UNC5C: variants seen among roughly 807,000 people sequenced by gnomAD.
The protein encoded by UNC5C is unc-5 netrin receptor C, also known as netrin receptor UNC5C.
A neutral mutation model predicts 99.8 loss-of-function variants in UNC5C; 47 were observed. The ratio of observed to expected loss-of-function variants is 0.47; its 90% CI spans 0.37 to 0.60. The LOEUF is 0.60. Among genes scored for constraint, UNC5C ranks in the 20% least tolerant of loss-of-function variants. The probability of loss-of-function intolerance (pLI) is 0.00; values close to 1 mark genes in which losing one functional copy is unlikely to be tolerated. For missense variants in UNC5C, 1,062 were observed against 1,165.9 expected, an observed-to-expected ratio of 0.91 and a Z score of 1.30; for synonymous variants, 487 against 452.2, an observed-to-expected ratio of 1.08 and a Z score of -0.98.
At position 95,389,071 on chromosome 4, in the gene UNC5C, A is replaced by G. The variant is rs912808575; in HGVS notation, c.125-53440T>C. Among the ~76,000 whole-genome samples, 5 of 152,174 alleles carry G rather than the reference A, an allele frequency of 3.3e-5. 1 individual carries two copies. Among genetic ancestry groups the G allele is most frequent in the Admixed American group, 2.6e-4 (4 of 15,270 alleles). ...TATTCCATGGATTTCCCAGTTGGCA[A>G]TTTGATAGGCCTGCTGTTATTCAAA... On this transcript the variant is annotated intron_variant, in intron 1 of 15. Coordinates refer to ENST00000453304, the MANE Select transcript of UNC5C (RefSeq NM_003728.4).
intron 4 of UNC5C, among the ~76,000 whole-genome samples, chr4:95,271,519 G>A (rs74467242): frequency 6.6e-6 from 1 of 152,100 alleles, no homozygotes; most frequent in Non-Finnish European, 1.5e-5. Context: ...GTGAGCCACC[G>A]CGCCCGGCCA....
chr4:95,183,105 C>T (rs753826083), intron 13 of UNC5C, 44 bp from the exon 14 acceptor site: 1 of 1,560,396 alleles, frequency 6.4e-7, no homozygotes, highest in East Asian at 2.3e-5. Flanking sequence ...GGACTAATAC[C>T]AAAAATAACT....
At chr4:95,302,659 A>G (rs186100068) in intron 2 of UNC5C, among the ~76,000 whole-genome samples, 1 of 152,344 alleles carries the variant, frequency 6.6e-6, no homozygotes, top group African/African-American at 2.4e-5. Flanking sequence ...GAACACCCCT[A>G]GGGAGGAGGA....
At chr4:95,171,895 C>T (rs1312825235) in intron 14 of UNC5C, among the ~76,000 whole-genome samples, 1 of 151,958 alleles carries the variant, frequency 6.6e-6, no homozygotes, top group Non-Finnish European at 1.5e-5. Context: ...TCCTCTCTAG[C>T]ACCTGTCGTT....
Position 95,403,881 on chromosome 4 carries a change from A to AT in UNC5C, c.125-68251dup, listed in dbSNP as rs564231306. Among the ~76,000 whole-genome samples the AT allele has an allele frequency of 2.0e-4, 31 of 152,334 alleles. No individual in the cohort carries two copies. The South Asian group carries it at 5.0e-3, about 24-fold the overall frequency. Reference sequence around the variant, plus strand: ...CCGAAGAGGCCAGTGTGGCTCACAGATGGATCGTTTTCCAGCCATTGAAAG... The same window carrying AT: ...CCGAAGAGGCCAGTGTGGCTCACAGATTGGATCGTTTTCCAGCCATTGAAAG... On this transcript the variant is annotated intron_variant, in intron 1 of 15. Transcript: ENST00000453304.
chr4:95,536,481 C>G (rs1722785948), intron 1 of UNC5C, among the ~76,000 whole-genome samples: 1 of 152,044 alleles, frequency 6.6e-6, no homozygotes, highest in African/African-American at 2.4e-5. Flanking sequence ...TAATTTTTTT[C>G]TAAAACCTAT....
At chr4:95,201,965 C>CTT (rs924716069) in intron 12 of UNC5C, among the ~76,000 whole-genome samples, 1 of 152,156 alleles carries the variant, frequency 6.6e-6, no homozygotes, top group African/African-American at 2.4e-5. Flanking sequence ...ACCTAGAAAT[C>CTT]TTGTATTTTT....
intron 1 of UNC5C, among the ~76,000 whole-genome samples, chr4:95,459,455 CT>C: frequency 6.6e-6 from 1 of 152,200 alleles, no homozygotes; most frequent in South Asian, 2.1e-4. Context: ...GGCTCCAGAC[CT>C]GCCATTGTCT....
chr4:95,388,909 G>A (rs927916623), intron 1 of UNC5C, among the ~76,000 whole-genome samples: 3 of 152,080 alleles, frequency 2.0e-5, no homozygotes, highest in African/African-American at 4.8e-5. Flanking sequence ...AAAAGTAATG[G>A]CAACTAGTAA....
At chr4:95,389,466 A>G (rs1425819945) in intron 1 of UNC5C, among the ~76,000 whole-genome samples, 1 of 152,164 alleles carries the variant, frequency 6.6e-6, no homozygotes, top group Non-Finnish European at 1.5e-5. Context: ...AGCACTGAAT[A>G]TCTAGAACGA....
At chr4:95,197,962 G>A (rs1367269495) in intron 12 of UNC5C, among the ~76,000 whole-genome samples, 1 of 151,026 alleles carries the variant, frequency 6.6e-6, no homozygotes, top group Admixed American at 6.6e-5. Flanking sequence ...AACTGCAGCA[G>A]GTTGAGGGAG....
intron 1 of UNC5C, among the ~76,000 whole-genome samples, chr4:95,396,957 T>C (rs527839471): frequency 6.6e-6 from 1 of 152,246 alleles, no homozygotes; most frequent in South Asian, 2.1e-4. Flanking sequence ...CATATCAACA[T>C]TTACGAAGCC....
intron 14 of UNC5C, among the ~76,000 whole-genome samples, chr4:95,176,244 G>A (rs1343826040): frequency 2.0e-5 from 3 of 152,222 alleles, no homozygotes; most frequent in African/African-American, 4.8e-5. Flanking sequence ...CTCTCAGCTC[G>A]TCAAGGTCAT....
At chr4:95,321,820 T>C (rs1371124409) in intron 2 of UNC5C, among the ~76,000 whole-genome samples, 1 of 152,222 alleles carries the variant, frequency 6.6e-6, no homozygotes, top group Non-Finnish European at 1.5e-5. Flanking sequence ...AACTACCATC[T>C]TGTGACATTA....
intron 1 of UNC5C, among the ~76,000 whole-genome samples, chr4:95,468,129 T>A (rs201342938): frequency 5.0e-5 from 1 of 20,054 alleles, no homozygotes; most frequent in Non-Finnish European, 8.4e-5. Context: ...GTTTTTTGGG[T>A]TTTTTTTTTT....
At chr4:95,178,235 C>T (rs1736450726) in intron 14 of UNC5C, among the ~76,000 whole-genome samples, 1 of 152,208 alleles carries the variant, frequency 6.6e-6, no homozygotes, top group South Asian at 2.1e-4. Context: ...TCTAAGGATG[C>T]ACCTCTAATA....
intron 1 of UNC5C, among the ~76,000 whole-genome samples, chr4:95,468,403 C>T (rs967658274): frequency 6.6e-6 from 1 of 152,068 alleles, no homozygotes; most frequent in African/African-American, 2.4e-5. Flanking sequence ...GGCATGGTGG[C>T]TATTAGCTAT....
At chr4:95,342,800 C>T (rs755028765) in intron 1 of UNC5C, among the ~76,000 whole-genome samples, 14 of 151,454 alleles carry the variant, frequency 9.2e-5, no homozygotes, top group Non-Finnish European at 1.8e-4. Flanking sequence ...GGGCCCACTG[C>T]CCTGAAGGAA....
intron 1 of UNC5C, among the ~76,000 whole-genome samples, chr4:95,375,605 A>G (rs1418243339): frequency 6.6e-6 from 1 of 152,212 alleles, no homozygotes; most frequent in Non-Finnish European, 1.5e-5. Context: ...TAATAAAACC[A>G]TTGAAAATAA....
Sources: allele counts gnomAD v4.1 joint callset (sites outside exome capture counted in the v4.1 genomes callset), GRCh38; gene constraint gnomAD v4.1.1; transcripts MANE v1.5; gene names NCBI Gene and HGNC (gene_info 2026-07-23, HGNC 2026-07-21).